Variants in LASP1 observed in about 807,000 individuals in gnomAD.
LASP1 encodes LIM and SH3 domain protein 1.
A neutral mutation model predicts 38.6 loss-of-function variants in LASP1; 10 were observed. The observed-to-expected ratio is 0.26, with a 90% CI of 0.16 to 0.44. The LOEUF is 0.44. Among genes scored for constraint, LASP1 ranks in the 20% least tolerant of loss-of-function variants. LASP1 has a pLI of 1.00. For synonymous variants in LASP1, 132 were observed against 140.8 expected (o/e 0.94, Z 0.44); for missense variants, 243 against 375.7 (o/e 0.65, Z 2.92).
At chr17:38,908,611 G>A (rs1206223650) in intron 4 of LASP1, among the ~76,000 whole-genome samples, 1 of 152,246 alleles carries the variant, frequency 6.6e-6, no homozygotes, top group African/African-American at 2.4e-5. Context: ...TGGCCTGAAG[G>A]GAGGGGGCCG....
chr17:38,913,475 A>G (rs991881152), intron 4 of LASP1, among the ~76,000 whole-genome samples: 5 of 152,170 alleles, frequency 3.3e-5, no homozygotes, highest in African/African-American at 1.2e-4. Context: ...AGGCTCTGGA[A>G]TCTGTGATCT....
chr17:38,881,088 G>C (rs1364556598), intron 2 of LASP1, among the ~76,000 whole-genome samples: 1 of 151,706 alleles, frequency 6.6e-6, no homozygotes, highest in South Asian at 2.1e-4. Flanking sequence ...GCGACAGAGC[G>C]AGACTCCATC....
At chr17:38,907,904 TG>T (rs1914817614) in intron 4 of LASP1, among the ~76,000 whole-genome samples, 1 of 152,158 alleles carries the variant, frequency 6.6e-6, no homozygotes, top group Admixed American at 6.5e-5. Flanking sequence ...GATGGTACCA[TG>T]GCCTTATTTA....
At chr17:38,907,437 C>T (rs1307480154) in intron 4 of LASP1, among the ~76,000 whole-genome samples, 17 of 152,254 alleles carry the variant, frequency 1.1e-4, no homozygotes, top group Admixed American at 1.1e-3. Context: ...AGGAAAGGGC[C>T]TGTCTAGCTG....
intron 1 of LASP1, among the ~76,000 whole-genome samples, chr17:38,871,233 A>C (rs951710017): frequency 6.6e-6 from 1 of 151,892 alleles, no homozygotes; most frequent in Non-Finnish European, 1.5e-5. Flanking sequence ...TCTGGTTGCC[A>C]TTAGACTTTT....
In LASP1 at chr17:38,919,133, A is replaced by C; in HGVS notation, c.*355A>C. 3.0e-6 allele frequency: 1 copy of C among 331,730 alleles called. No homozygotes were observed. Among genetic ancestry groups the C allele is most frequent in the Non-Finnish European group, 5.7e-6 (1 of 175,682 alleles). 20.5% of individuals were successfully genotyped at this position (331,730 alleles called of 1,614,324 possible). Reference sequence around the variant, plus strand: ...TGCCCAGCTCCTCACATACCCACACATTCCAGGGCTGGGGTGAGCCTGACT... The same window carrying C: ...TGCCCAGCTCCTCACATACCCACACCTTCCAGGGCTGGGGTGAGCCTGACT... On this transcript the variant is annotated 3_prime_UTR_variant, in exon 7 of 7. Transcript: ENST00000318008.
In LASP1 at chr17:38,919,570, C is replaced by A. The variant is rs538214469; in HGVS notation, c.*792C>A. 3.9e-4 allele frequency: 98 copies of A among 249,002 alleles called. 1 individual carries two copies. The East Asian group carries it at 5.5e-3, about 14-fold the overall frequency. The allele number at this position is 249,002 out of a possible 1,614,324, so 15.4% of individuals were successfully genotyped here. On this transcript the variant is annotated 3_prime_UTR_variant, in exon 7 of 7. Coordinates refer to ENST00000318008, the MANE Select transcript of LASP1 (RefSeq NM_006148.4). Reference sequence around the variant, plus strand: ...GCAGCCCCTTTCCCCACGCCCACCCCCAGTCTCCAGGGACCCTTGCCTGCC... The same window carrying A: ...GCAGCCCCTTTCCCCACGCCCACCCACAGTCTCCAGGGACCCTTGCCTGCC...
intron 4 of LASP1, among the ~76,000 whole-genome samples, chr17:38,907,883 G>A (rs994063007): frequency 1.3e-5 from 2 of 152,180 alleles, no homozygotes; most frequent in African/African-American, 2.4e-5. Flanking sequence ...TTGCAGGACC[G>A]CCTGGGAGCA....
At chr17:38,881,298 A>C (rs1288676394) in intron 2 of LASP1, among the ~76,000 whole-genome samples, 1 of 151,946 alleles carries the variant, frequency 6.6e-6, no homozygotes, top group East Asian at 1.9e-4. Flanking sequence ...CTCCAAAAAA[A>C]CTTCGTCCTG....
At chr17:38,891,143 C>T (rs992421387) in intron 3 of LASP1, among the ~76,000 whole-genome samples, 1 of 151,948 alleles carries the variant, frequency 6.6e-6, no homozygotes, top group African/African-American at 2.4e-5. Flanking sequence ...GAACAGCTGA[C>T]CCACCCTGCC....
intron 3 of LASP1, 55 bp from the exon 4 acceptor site, chr17:38,898,357 C>A: frequency 3.0e-6 from 4 of 1,349,878 alleles, no homozygotes; most frequent in African/African-American, 1.4e-5. Flanking sequence ...GGCCCCAAGC[C>A]GAGGCCCTTT....
chr17:38,886,935 C>T (rs778646343), intron 2 of LASP1, among the ~76,000 whole-genome samples: 3 of 152,194 alleles, frequency 2.0e-5, no homozygotes, highest in Non-Finnish European at 4.4e-5. Flanking sequence ...GGCTCTCGCT[C>T]TGTAGCTCAG....
chr17:38,873,713 T>C (rs1307413715), intron 1 of LASP1, among the ~76,000 whole-genome samples: 1 of 152,194 alleles, frequency 6.6e-6, no homozygotes. Flanking sequence ...TCTATGCCTT[T>C]AAGCCAGCGG....
rs1915305036 is a variant in LASP1 at position 38,921,677 on chromosome 17, T to C, written c.*2899T>C. 1 of 231,520 alleles carries C rather than the reference T, an allele frequency of 4.3e-6. No individual in the cohort carries two copies. 14.3% of individuals were successfully genotyped at this position (231,520 alleles called of 1,614,324 possible). ...GTGGGCTTGTGCTCGGGATCAAACC[T>C]TTCTGGCCTGTTATGATTCTGAACA... On this transcript the variant is annotated 3_prime_UTR_variant, in exon 7 of 7. Transcript: ENST00000318008.
intron 4 of LASP1, among the ~76,000 whole-genome samples, chr17:38,910,759 G>C (rs73299127): frequency 0.36 from 38,576 of 107,282 alleles, 6,157 homozygotes; most frequent in African/African-American, 0.54. Flanking sequence ...GTCTCAGTCT[G>C]TTGCCCAGGA....
chr17:38,918,788 GCCC>G lies in LASP1; in HGVS notation c.*13_*15del, dbSNP rs757114088. 2.5e-6 allele frequency: 4 copies of G among 1,612,790 alleles called. No homozygotes were observed. In the African/African-American group the frequency reaches 5.3e-5, roughly 22 times the overall value. On this transcript the variant is annotated 3_prime_UTR_variant, in exon 7 of 7. Transcript: ENST00000318008. This position sits in a 1 kb window ranked among gnomAD's most constrained non-coding sequence, Gnocchi z 4.4. ...CGTGGAGGCCATCTGAACCCGCAGC[GCCC>G]CCATCTGTCTTCAGCACATTCCACG...
intron 3 of LASP1, among the ~76,000 whole-genome samples, chr17:38,894,234 CTGTA>C (rs1914423887): frequency 6.6e-6 from 1 of 152,282 alleles, no homozygotes; most frequent in East Asian, 1.9e-4. Context: ...CTGGAGGTGT[CTGTA>C]TGGCCCTGAG....
chr17:38,871,775 T>C (rs914797064), intron 1 of LASP1, among the ~76,000 whole-genome samples: 4 of 152,054 alleles, frequency 2.6e-5, no homozygotes, highest in African/African-American at 7.2e-5. Context: ...GGTCCTGGGC[T>C]TGACTGGGCA....
intron 6 of LASP1, chr17:38,916,924 G>A (rs555327865): frequency 6.6e-6 from 1 of 152,236 alleles, no homozygotes; most frequent in Admixed American, 6.5e-5. Flanking sequence ...AGGAAGGAGT[G>A]AGCCGTGCAA....
Sources: allele counts gnomAD v4.1 joint callset (sites outside exome capture counted in the v4.1 genomes callset), GRCh38; gene constraint gnomAD v4.1.1; non-coding constraint Gnocchi (gnomAD v3.1); transcripts MANE v1.5; gene names NCBI Gene and HGNC (gene_info 2026-07-23, HGNC 2026-07-21).